The following PLCL1 variants were observed in gnomAD, a reference collection of about 807,000 sequenced individuals.
PLCL1 encodes inactive phospholipase C-like protein 1.
In PLCL1, 41 loss-of-function variants were observed where a neutral mutation model predicts 84.4. That is an observed-to-expected ratio of 0.49 (90% confidence interval 0.38 to 0.63). The LOEUF is 0.63. PLCL1 is among the 30% of genes least tolerant of loss of function. PLCL1 has a pLI of 0.00. For synonymous variants in PLCL1, 490 were observed against 488.3 expected, an observed-to-expected ratio of 1.00 and a Z score of -0.05; for missense variants, 1,206 against 1,367.8, an observed-to-expected ratio of 0.88 and a Z score of 1.87.
At chr2:197,848,516 G>C (rs1055545929) in intron 1 of PLCL1, among the ~76,000 whole-genome samples, 2 of 152,088 alleles carry the variant, frequency 1.3e-5, no homozygotes, top group Non-Finnish European at 2.9e-5. Context: ...GGACTAGGCC[G>C]AGGTAGTTTG....
intron 1 of PLCL1, among the ~76,000 whole-genome samples, chr2:197,860,865 T>C (rs1574917217): frequency 6.6e-6 from 1 of 152,336 alleles, no homozygotes; most frequent in East Asian, 1.9e-4. Context: ...AGAAGCTCTT[T>C]AGTTTAATTA....
intron 5 of PLCL1, among the ~76,000 whole-genome samples, chr2:198,118,509 A>C (rs1320420630): frequency 6.6e-6 from 1 of 152,034 alleles, no homozygotes; most frequent in African/African-American, 2.4e-5. Context: ...GTTTTCATAG[A>C]GATCTCTGAA....
chr2:197,918,961 TCTCTCTCC>T (rs1477786421), intron 1 of PLCL1, among the ~76,000 whole-genome samples: 98 of 144,028 alleles, frequency 6.8e-4, no homozygotes, highest in African/African-American at 2.3e-3. Context: ...TCTCTCTCTC[TCTCTCTCC>T]CTCACACACA....
intron 1 of PLCL1, among the ~76,000 whole-genome samples, chr2:197,938,774 A>C (rs751148247): frequency 5.9e-5 from 9 of 152,154 alleles, no homozygotes; most frequent in Non-Finnish European, 1.3e-4. Flanking sequence ...AAGCCACTAG[A>C]TCTCTTTTAT....
At chr2:197,918,148 C>A (rs1163973372) in intron 1 of PLCL1, among the ~76,000 whole-genome samples, 2 of 152,166 alleles carry the variant, frequency 1.3e-5, no homozygotes. Flanking sequence ...AAAAATGGCA[C>A]CTTACCTCTG....
Position 197,917,400 on chromosome 2 carries a change from T to C in PLCL1, c.240+112061T>C, listed in dbSNP as rs185511007. Among the ~76,000 whole-genome samples, 757 of 152,298 alleles carry C rather than the reference T, an allele frequency of 5.0e-3. 6 individuals carry two copies. Among genetic ancestry groups the C allele is most frequent in the Non-Finnish European group, 7.3e-3 (494 of 68,022 alleles). On this transcript the variant is annotated intron_variant, in intron 1 of 5. Transcript: ENST00000428675. ...AAGTGAAAGGCTACATACTCTATGG[T>C]TCCAATTATATGATATTCTGGAAAA... is the stretch of plus-strand genomic sequence containing the variant.
chr2:197,898,945 C>T (rs1312725072), intron 1 of PLCL1, among the ~76,000 whole-genome samples: 1 of 152,108 alleles, frequency 6.6e-6, no homozygotes, highest in Non-Finnish European at 1.5e-5. Flanking sequence ...CACAATATTA[C>T]TGGTTTTCTT....
At chr2:198,113,797 C>G (rs909089168) in intron 5 of PLCL1, among the ~76,000 whole-genome samples, 6 of 151,858 alleles carry the variant, frequency 4.0e-5, no homozygotes, top group Non-Finnish European at 5.9e-5. Flanking sequence ...CACTCATTAG[C>G]ATTATGGCTA....
chr2:198,133,370 C>T (rs1694172867), intron 5 of PLCL1, among the ~76,000 whole-genome samples: 1 of 99,712 alleles, frequency 1.0e-5, no homozygotes, highest in Non-Finnish European at 1.9e-5. Flanking sequence ...ACTCTGGGGA[C>T]TGTGGTGGGG....
chr2:197,899,199 G>GT lies in PLCL1; in HGVS notation c.240+93861dup, dbSNP rs774929476. Reference sequence around the variant, plus strand: ...TAAGAATAATGATGCTAGTGATTAAGTATCGTGAAGAATTTTTAGACACAT... The same window carrying GT: ...TAAGAATAATGATGCTAGTGATTAAGTTATCGTGAAGAATTTTTAGACACAT... On this transcript the variant is annotated intron_variant, in intron 1 of 5. Coordinates refer to ENST00000428675, the MANE Select transcript of PLCL1 (RefSeq NM_006226.4). 1.1e-4 allele frequency among the ~76,000 whole-genome samples: 17 copies of GT among 152,094 alleles called. 1 individual carries two copies. Among genetic ancestry groups the GT allele is most frequent in the Non-Finnish European group, 8.8e-5 (6 of 68,024 alleles).
intron 1 of PLCL1, among the ~76,000 whole-genome samples, chr2:198,037,465 G>A (rs181083944): frequency 2.0e-5 from 3 of 152,286 alleles, no homozygotes; most frequent in Admixed American, 2.0e-4. Context: ...AAACTTAGTT[G>A]ACCCCAAGTC....
chr2:197,938,431 C>A (rs1404909170), intron 1 of PLCL1, among the ~76,000 whole-genome samples: 1 of 152,200 alleles, frequency 6.6e-6, no homozygotes, highest in Admixed American at 6.5e-5. Flanking sequence ...GAATATGGTA[C>A]AAGCTTTGCT....
Position 197,805,174 on chromosome 2 carries a change from G to A in PLCL1, c.75G>A (p.Val25=). The A allele has an allele frequency of 7.8e-7, 1 of 1,290,092 alleles. No individual in the cohort carries two copies. Among genetic ancestry groups the A allele is most frequent in the African/African-American group, 1.5e-5 (1 of 64,658 alleles). The allele number at this position is 1,290,092 out of a possible 1,614,324, so 79.9% of individuals were successfully genotyped here. The part of the protein sequence containing the change: ...DAAGGEDDPR[V]GPDAAGDCVT... ...CGGGGGGCGAAGACGACCCCCGAGT[G>A]GGCCCGGATGCCGCCGGGGACTGCG... The change falls in exon 1 of 6, where the codon GTG becomes GTA. Residue 25 remains valine, a synonymous_variant. Coordinates refer to ENST00000428675, the MANE Select transcript of PLCL1 (RefSeq NM_006226.4). The surrounding 1 kb of genome is among the most constrained non-coding windows in gnomAD (Gnocchi z 4.0).
intron 1 of PLCL1, among the ~76,000 whole-genome samples, chr2:197,887,372 A>G (rs755030837): frequency 1.1e-4 from 16 of 152,298 alleles, no homozygotes; most frequent in South Asian, 8.3e-4. Flanking sequence ...AACATCTTTT[A>G]CAAGATGATC....
At chr2:197,928,911 T>A (rs931097075) in intron 1 of PLCL1, among the ~76,000 whole-genome samples, 2 of 152,194 alleles carry the variant, frequency 1.3e-5, no homozygotes, top group Non-Finnish European at 2.9e-5. Flanking sequence ...TATACCACCA[T>A]GTCAATAGTC....
At chr2:198,078,959 T>C (rs538276024) in intron 1 of PLCL1, among the ~76,000 whole-genome samples, 15 of 152,112 alleles carry the variant, frequency 9.9e-5, no homozygotes, top group Non-Finnish European at 1.9e-4. Flanking sequence ...TTTCTAAGTG[T>C]ATAAGCATTA....
chr2:198,079,170 G>A (rs1006939354), intron 1 of PLCL1, among the ~76,000 whole-genome samples: 6 of 151,534 alleles, frequency 4.0e-5, no homozygotes, highest in African/African-American at 1.5e-4. Context: ...ATCTTATTGG[G>A]CTTAGGGAGA....
intron 1 of PLCL1, among the ~76,000 whole-genome samples, chr2:197,853,068 T>G (rs1178825680): frequency 6.6e-6 from 1 of 152,198 alleles, no homozygotes; most frequent in Admixed American, 6.5e-5. Flanking sequence ...GCTTTCTGTC[T>G]TTATGAATTT....
At chr2:198,001,366 G>A (rs1690595973) in intron 1 of PLCL1, among the ~76,000 whole-genome samples, 1 of 152,156 alleles carries the variant, frequency 6.6e-6, no homozygotes, top group South Asian at 2.1e-4. Flanking sequence ...ACACACAAGA[G>A]TGTACAACTC....
Sources: gnomAD v4.1 joint callset for allele counts (sites outside exome capture counted in the v4.1 genomes callset) on GRCh38, gnomAD v4.1.1 for gene constraint, Gnocchi (gnomAD v3.1) non-coding constraint, MANE v1.5 for transcripts, NCBI Gene and HGNC (gene_info 2026-07-23, HGNC 2026-07-21) for gene names.